SAMD12: variants seen among roughly 807,000 people sequenced by gnomAD.
SAMD12 encodes sterile alpha motif domain-containing protein 12.
A neutral mutation model predicts 15.0 loss-of-function variants in SAMD12; 9 were observed. The ratio of observed to expected loss-of-function variants is 0.60; its 90% confidence interval spans 0.36 to 1.05. The LOEUF is 1.05. SAMD12 is among the 50% of genes least tolerant of loss of function. SAMD12 has a pLI of 0.01. For missense variants in SAMD12, 230 were observed against 234.2 expected (o/e 0.98, Z 0.12); for synonymous variants, 86 against 90.1 (o/e 0.96, Z 0.25).
chr8:118,510,534 G>A (rs1166311418), intron 2 of SAMD12, among the ~76,000 whole-genome samples: 1 of 152,136 alleles, frequency 6.6e-6, no homozygotes, highest in Non-Finnish European at 1.5e-5. Context: ...TTGAGAAAAG[G>A]GTTTGGCAAC....
intron 2 of SAMD12, among the ~76,000 whole-genome samples, chr8:118,479,019 C>G (rs1048643384): frequency 2.6e-5 from 4 of 151,906 alleles, no homozygotes; most frequent in Non-Finnish European, 4.4e-5. Flanking sequence ...AGTTAGCAGT[C>G]AATACATTTG....
intron 4 of SAMD12, among the ~76,000 whole-genome samples, chr8:118,296,597 A>G (rs1814727092): frequency 6.6e-6 from 1 of 152,262 alleles, no homozygotes; most frequent in Non-Finnish European, 1.5e-5. Context: ...CAAGGCACAT[A>G]GTAGGTACCC....
At chr8:118,536,736 G>A (rs1454106620) in intron 2 of SAMD12, among the ~76,000 whole-genome samples, 1 of 152,068 alleles carries the variant, frequency 6.6e-6, no homozygotes, top group Non-Finnish European at 1.5e-5. Context: ...ACTATGTATT[G>A]AAAAGTTGTT....
chr8:118,509,922 G>C (rs1244967002), intron 2 of SAMD12, among the ~76,000 whole-genome samples: 2 of 152,112 alleles, frequency 1.3e-5, no homozygotes, highest in African/African-American at 4.8e-5. Flanking sequence ...TAATAGTAAA[G>C]AATATTGCTA....
At chr8:118,547,621 A>C (rs1412270112) in intron 2 of SAMD12, among the ~76,000 whole-genome samples, 1 of 151,798 alleles carries the variant, frequency 6.6e-6, no homozygotes, top group Non-Finnish European at 1.5e-5. Context: ...GTCTGCTAAG[A>C]GAACTCCAGT....
intron 1 of SAMD12, among the ~76,000 whole-genome samples, chr8:118,614,710 C>G (rs1410791530): frequency 6.6e-6 from 1 of 152,228 alleles, no homozygotes; most frequent in Non-Finnish European, 1.5e-5. Context: ...AGCCCCAGCA[C>G]TCTGGGAAGG....
chr8:118,210,797 T>A (rs539882862), intron 4 of SAMD12, among the ~76,000 whole-genome samples: 2 of 152,306 alleles, frequency 1.3e-5, no homozygotes, highest in African/African-American at 4.8e-5. Flanking sequence ...GAGCAAGTGC[T>A]ACTGGCACTG....
At chr8:118,605,555 C>T (rs779331886) in intron 1 of SAMD12, among the ~76,000 whole-genome samples, 1 of 152,022 alleles carries the variant, frequency 6.6e-6, no homozygotes, top group Non-Finnish European at 1.5e-5. Flanking sequence ...CTTACTCTCT[C>T]ATTTACCAGC....
chr8:118,532,902 T>C (rs1390229269), intron 2 of SAMD12, among the ~76,000 whole-genome samples: 3 of 152,166 alleles, frequency 2.0e-5, no homozygotes, highest in African/African-American at 7.2e-5. Context: ...CCTGGATTCA[T>C]TAATTTTTTG....
At chr8:118,317,180 CA>C (rs1815961239) in intron 4 of SAMD12, among the ~76,000 whole-genome samples, 1 of 152,080 alleles carries the variant, frequency 6.6e-6, no homozygotes, top group African/African-American at 2.4e-5. Context: ...TTCTAATCCC[CA>C]GAATTGTAAG....
intron 2 of SAMD12, among the ~76,000 whole-genome samples, chr8:118,463,945 G>A (rs1032543129): frequency 1.3e-5 from 2 of 152,078 alleles, no homozygotes; most frequent in East Asian, 1.9e-4. Context: ...CCTCTGACTC[G>A]CAATGAATGT....
chr8:118,185,452 C>G (rs1819227610), downstream of SAMD12, among the ~76,000 whole-genome samples: 1 of 152,142 alleles, frequency 6.6e-6, no homozygotes, highest in South Asian at 2.1e-4. Flanking sequence ...ATCCTCATAG[C>G]TTAGCTCCCA....
At chr8:118,344,095 A>C (rs1027205676) in intron 4 of SAMD12, among the ~76,000 whole-genome samples, 1 of 152,222 alleles carries the variant, frequency 6.6e-6, no homozygotes, top group Admixed American at 6.5e-5. Context: ...GCAAACTTCA[A>C]TCCAAACATG....
chr8:118,307,964 A>G lies in SAMD12; in HGVS notation c.433+71596T>C, dbSNP rs538626043. On this transcript the variant is annotated intron_variant, in intron 4 of 4. Coordinates refer to the SAMD12 transcript ENST00000409003. ...GCTGCTGCCCTTGACCAAAGGTCAC[A>G]GCCCTTATGACAGCCCTCTTTCCAC... is the stretch of plus-strand genomic sequence containing the variant. Among the ~76,000 whole-genome samples, 10 of 152,340 alleles carry G rather than the reference A, an allele frequency of 6.6e-5. 1 individual carries two copies. In the South Asian group the frequency reaches 2.1e-3, roughly 32 times the overall value.
At chr8:118,400,790 G>A (rs1305693138) in intron 3 of SAMD12, among the ~76,000 whole-genome samples, 1 of 152,062 alleles carries the variant, frequency 6.6e-6, no homozygotes, top group Non-Finnish European at 1.5e-5. Flanking sequence ...CACACGCCAG[G>A]AGACAGCCTT....
At chr8:118,256,273 C>A (rs9692996) in intron 4 of SAMD12, among the ~76,000 whole-genome samples, 15,206 of 152,074 alleles carry the variant, frequency 0.1, 2,360 homozygotes, top group African/African-American at 0.33. Context: ...ATATGTGCAC[C>A]TACATTATTA....
Position 118,302,078 on chromosome 8 carries a change from G to GTTTTTTTTT in SAMD12, c.433+77473_433+77481dup, listed in dbSNP as rs58076997. On this transcript the variant is annotated intron_variant, in intron 4 of 4. Transcript: ENST00000409003. ...ATTTTCTAGCGCCAGATCTTTGAGA[G>GTTTTTTTTT]TTTTTTTTTTTTTTTTTTTTTTTTT... Among the ~76,000 whole-genome samples the GTTTTTTTTT allele has an allele frequency of 2.1e-3, 159 of 74,684 alleles. 31 individuals carry two copies. The highest frequency in any genetic ancestry group is 0.01 in the African/African-American group (144 of 14,294). The allele number at this position is 74,684 out of a possible 152,430, so 49.0% of individuals were successfully genotyped here. A position where few individuals can be genotyped will look rare whatever the true frequency, so the allele number is the denominator to read the frequency against.
At chr8:118,314,274 C>G (rs148903001) in intron 4 of SAMD12, among the ~76,000 whole-genome samples, 57 of 152,194 alleles carry the variant, frequency 3.7e-4, no homozygotes, top group African/African-American at 1.3e-3. Context: ...AATATACCAG[C>G]TTTCTTCTTT....
chr8:118,535,799 G>A (rs1825821972), intron 2 of SAMD12, among the ~76,000 whole-genome samples: 2 of 152,214 alleles, frequency 1.3e-5, no homozygotes, highest in South Asian at 4.1e-4. Flanking sequence ...CATTGGAAAA[G>A]CGCAGTATTA....
Sources: allele counts gnomAD v4.1 joint callset (sites outside exome capture counted in the v4.1 genomes callset), GRCh38; gene constraint gnomAD v4.1.1; transcripts MANE v1.5; gene names NCBI Gene and HGNC (gene_info 2026-07-23, HGNC 2026-07-21).